DCP1A: variants seen among roughly 807,000 people sequenced by gnomAD.
The protein encoded by DCP1A is decapping mRNA 1A.
DCP1A carries 20 observed loss-of-function variants against 58.0 expected under a neutral mutation model. The observed-to-expected ratio is 0.34, with a 90% CI of 0.24 to 0.50. DCP1A has a LOEUF of 0.50. Ranked by LOEUF, DCP1A falls within the 20% of genes least tolerant of loss-of-function variation. The pLI is 0.98. For missense variants in DCP1A, 613 were observed against 712.2 expected (o/e 0.86, Z 1.59); for synonymous variants, 285 against 275.1 (o/e 1.04, Z -0.36).
chr3:53,312,773 G>A (rs890062439), intron 4 of DCP1A, among the ~76,000 whole-genome samples: 2 of 152,086 alleles, frequency 1.3e-5, no homozygotes, highest in African/African-American at 4.8e-5. Flanking sequence ...TTACAGGCCT[G>A]AGCCACCGCG....
chr3:53,327,005 G>A (rs1278549482), intron 3 of DCP1A, among the ~76,000 whole-genome samples: 2 of 148,704 alleles, frequency 1.3e-5, no homozygotes, highest in Non-Finnish European at 3.0e-5. Context: ...TATTCTAGTC[G>A]CTCTAGTATC....
chr3:53,300,272 T>C (rs1335862056), intron 6 of DCP1A, among the ~76,000 whole-genome samples: 4 of 152,192 alleles, frequency 2.6e-5, no homozygotes, highest in Admixed American at 1.3e-4. Flanking sequence ...AGTGCTATTG[T>C]TGAAAGGCTT....
chr3:53,343,207 A>G (rs1331896676), intron 2 of DCP1A, among the ~76,000 whole-genome samples: 1 of 152,198 alleles, frequency 6.6e-6, no homozygotes, highest in African/African-American at 2.4e-5. Flanking sequence ...TCACACAAAT[A>G]ATGAGTTACA....
In DCP1A at chr3:53,284,224, G is replaced by A. The variant is rs1706540979; in HGVS notation, c.*3356C>T. 1 of 152,166 alleles carries A rather than the reference G, an allele frequency of 6.6e-6. No individual in the cohort carries two copies. The highest frequency in any genetic ancestry group is 2.4e-5 in the African/African-American group (1 of 41,418). The allele number at this position is 152,166 out of a possible 1,614,324, so 9.4% of individuals were successfully genotyped here. On this transcript the variant is annotated 3_prime_UTR_variant, in exon 10 of 10. Transcript: ENST00000610213. ...ATTCCTCTCAGAGTTACAGTATGAT[G>A]GCTGATTTTGTTTTTTGAGCAGTTA... is the stretch of plus-strand genomic sequence containing the variant.
intron 3 of DCP1A, among the ~76,000 whole-genome samples, chr3:53,340,840 C>A (rs2089191327): frequency 6.6e-6 from 1 of 152,098 alleles, no homozygotes; most frequent in Non-Finnish European, 1.5e-5. Flanking sequence ...TACATCCAAT[C>A]GTTATTAGAG....
rs1559692298 is a variant in DCP1A, at chr3:53,312,315, C to A, written c.436G>T (p.Ala146Ser). The A allele has an allele frequency of 1.2e-6, 2 of 1,613,524 alleles. No individual in the cohort carries two copies. Among genetic ancestry groups the A allele is most frequent in the African/African-American group, 2.7e-5 (2 of 74,970 alleles). ...AARDKQSPSQ[A>S]NGCSDHRPID... ...GGCCTGTGGTCGCTGCAGCCATTGGCCTGGCTGGGACTCTGTTTGTCCCGA... is the reference window on the plus strand; with the variant it reads ...GGCCTGTGGTCGCTGCAGCCATTGGACTGGCTGGGACTCTGTTTGTCCCGA... Residue 146 changes from alanine to serine, a missense_variant, in exon 5 of 10, where the codon GCC (alanine) becomes TCC (serine). By Grantham distance (99) the Ala-to-Ser change is moderately conservative. Coordinates refer to ENST00000610213, the MANE Select transcript of DCP1A (RefSeq NM_018403.7).
At chr3:53,325,273 A>C (rs572131124) in intron 3 of DCP1A, among the ~76,000 whole-genome samples, 4 of 152,346 alleles carry the variant, frequency 2.6e-5, no homozygotes, top group African/African-American at 9.6e-5. Context: ...AGATGCTGTG[A>C]AATGTCACAG....
intron 7 of DCP1A, among the ~76,000 whole-genome samples, chr3:53,291,466 TCCC>T (rs1706872520): frequency 1.3e-5 from 2 of 150,216 alleles, no homozygotes; most frequent in South Asian, 4.2e-4. Flanking sequence ...CATCCCCACC[TCCC>T]CCCACCTTCC....
At chr3:53,341,159 AAAT>A (rs1553692491) in intron 3 of DCP1A, among the ~76,000 whole-genome samples, 1 of 152,062 alleles carries the variant, frequency 6.6e-6, no homozygotes, top group Non-Finnish European at 1.5e-5. Flanking sequence ...TTCTGGGCAA[AAAT>A]AATATTTTCT....
chr3:53,308,678 C>T (rs565417342), intron 5 of DCP1A, among the ~76,000 whole-genome samples: 8 of 152,176 alleles, frequency 5.3e-5, no homozygotes, highest in South Asian at 2.1e-4. Context: ...ACTGCAGCCT[C>T]GAACTGCTGG....
At chr3:53,315,762 T>G (rs1301016293) in intron 4 of DCP1A, among the ~76,000 whole-genome samples, 6 of 134,320 alleles carry the variant, frequency 4.5e-5, no homozygotes, top group South Asian at 2.5e-4. Flanking sequence ...TTTTTGTTTT[T>G]TTTTTTTTTG....
At chr3:53,304,777 G>A (rs1043746940) in intron 5 of DCP1A, among the ~76,000 whole-genome samples, 1 of 151,800 alleles carries the variant, frequency 6.6e-6, no homozygotes, top group Non-Finnish European at 1.5e-5. Flanking sequence ...TAGAGACAGG[G>A]TTTCAGCATG....
In DCP1A at chr3:53,347,482, G is replaced by A. The variant is rs1559712127; in HGVS notation, c.36C>T (p.Ser12=). 6.2e-7 allele frequency: 1 copy of A among 1,613,430 alleles called. No individual in the cohort carries two copies. Among genetic ancestry groups the A allele is most frequent in the Non-Finnish European group, 8.5e-7 (1 of 1,179,562 alleles). The change falls in exon 1 of 10, where the codon AGC becomes AGT. Residue 12 remains serine (S), a synonymous_variant. Transcript: ENST00000610213. ...GGTCGTGTTGCTTCAGGGCCGCTAGGCTCATCTCCTGCCCAGCTCGACTCA... is the reference window on the plus strand; with the variant it reads ...GGTCGTGTTGCTTCAGGGCCGCTAGACTCATCTCCTGCCCAGCTCGACTCA... The part of the protein sequence containing the change: ...EALSRAGQEM[S]LAALKQHDPY...
intron 3 of DCP1A, among the ~76,000 whole-genome samples, chr3:53,331,712 A>C (rs1553691298): frequency 6.6e-6 from 1 of 152,210 alleles, no homozygotes; most frequent in East Asian, 1.9e-4. Context: ...TTCTTAAAAA[A>C]TTCCTCAGAA....
intron 3 of DCP1A, among the ~76,000 whole-genome samples, chr3:53,341,307 T>C (rs2089198641): frequency 6.6e-6 from 1 of 151,678 alleles, no homozygotes; most frequent in Admixed American, 6.6e-5. Context: ...ACAAAAAAAT[T>C]AGCCAGGCGT....
intron 1 of DCP1A, 148 bp downstream of exon 1, chr3:53,347,235 G>A: frequency 1.0e-6 from 1 of 968,466 alleles, no homozygotes; most frequent in Non-Finnish European, 1.4e-6. Flanking sequence ...ACACCCCTCA[G>A]GCTCTGGCTA....
intron 3 of DCP1A, among the ~76,000 whole-genome samples, chr3:53,340,090 A>G (rs1553692374): frequency 6.6e-6 from 1 of 151,604 alleles, no homozygotes; most frequent in African/African-American, 2.4e-5. Context: ...CACCTGGCTA[A>G]TTTTTCTATT....
At chr3:53,306,852 A>C (rs1707491098) in intron 5 of DCP1A, among the ~76,000 whole-genome samples, 1 of 151,090 alleles carries the variant, frequency 6.6e-6, no homozygotes, top group South Asian at 2.1e-4. Flanking sequence ...CAAGAGTTTA[A>C]GGCTGCAGCA....
At chr3:53,308,159 T>G (rs1400846918) in intron 5 of DCP1A, among the ~76,000 whole-genome samples, 2 of 152,196 alleles carry the variant, frequency 1.3e-5, no homozygotes, top group East Asian at 3.8e-4. Flanking sequence ...GATATTTTCT[T>G]CTTTTTGTTT....
Sources: allele counts gnomAD v4.1 joint callset (sites outside exome capture counted in the v4.1 genomes callset), GRCh38; gene constraint gnomAD v4.1.1; transcripts MANE v1.5; gene names NCBI Gene and HGNC (gene_info 2026-07-23, HGNC 2026-07-21).